SHC3: variants seen among roughly 807,000 people sequenced by gnomAD.
The protein encoded by SHC3 is SHC-transforming protein 3.
A neutral mutation model predicts 60.4 loss-of-function variants in SHC3; 15 were observed. The ratio of observed to expected loss-of-function variants is 0.25; its 90% CI spans 0.17 to 0.38. SHC3 has a LOEUF of 0.38. Ranked by LOEUF, SHC3 falls within the 10% of genes least tolerant of loss-of-function variation. The pLI is 1.00. For missense variants in SHC3, 677 were observed against 786.1 expected, an observed-to-expected ratio of 0.86 and a Z score of 1.66; for synonymous variants, 294 against 325.9, an observed-to-expected ratio of 0.90 and a Z score of 1.05.
At chr9:89,089,955 CACTAA>C (rs933505717) in intron 2 of SHC3, among the ~76,000 whole-genome samples, 3 of 152,226 alleles carry the variant, frequency 2.0e-5, no homozygotes, top group African/African-American at 7.2e-5. Flanking sequence ...AGAGGAAAAA[CACTAA>C]ACTAAACTTA....
chr9:89,025,725 T>C (rs958204143), intron 11 of SHC3, among the ~76,000 whole-genome samples: 5 of 152,226 alleles, frequency 3.3e-5, no homozygotes, highest in Admixed American at 2.6e-4. Context: ...AGCCTGACTC[T>C]AGCATAGCAT....
chr9:89,037,437 C>T (rs766632138), intron 11 of SHC3: 23 of 682,560 alleles, frequency 3.4e-5, no homozygotes, highest in Middle Eastern at 2.4e-4. Context: ...TCTTTCTTGA[C>T]GGGAAGATGA....
intron 1 of SHC3, among the ~76,000 whole-genome samples, chr9:89,163,696 T>G (rs1386490889): frequency 1.3e-5 from 2 of 151,422 alleles, no homozygotes; most frequent in South Asian, 2.1e-4. Flanking sequence ...TATACATATG[T>G]AACTAACCTG....
chr9:89,052,970 T>C (rs907435452), intron 6 of SHC3, among the ~76,000 whole-genome samples: 4 of 152,158 alleles, frequency 2.6e-5, no homozygotes, highest in Non-Finnish European at 4.4e-5. Context: ...GGATTATCTA[T>C]GTGAAACCTT....
intron 11 of SHC3, among the ~76,000 whole-genome samples, chr9:89,025,041 G>C (rs1394645393): frequency 1.3e-5 from 2 of 152,202 alleles, no homozygotes; most frequent in Non-Finnish European, 2.9e-5. Flanking sequence ...TGGGCAGTTA[G>C]AAATACTGGT....
intron 5 of SHC3, among the ~76,000 whole-genome samples, chr9:89,070,027 G>A (rs1360514887): frequency 6.6e-6 from 1 of 152,124 alleles, no homozygotes; most frequent in East Asian, 1.9e-4. Context: ...AAGAGATCTT[G>A]GACCAGTAAA....
chr9:89,173,629 C>G (rs1435327476), intron 1 of SHC3, among the ~76,000 whole-genome samples: 3 of 152,108 alleles, frequency 2.0e-5, no homozygotes, highest in African/African-American at 7.2e-5. Flanking sequence ...AAGTCATCTA[C>G]CTGTGGGCTG....
At chr9:89,076,079 T>C (rs1374713346) in intron 3 of SHC3, among the ~76,000 whole-genome samples, 1 of 151,278 alleles carries the variant, frequency 6.6e-6, no homozygotes, top group East Asian at 2.0e-4. Context: ...GCCCCACCCA[T>C]GAGATTCTGG....
At chr9:89,110,153 A>G (rs1825924697) in intron 2 of SHC3, 1 of 985,318 alleles carries the variant, frequency 1.0e-6, no homozygotes, top group African/African-American at 1.7e-5. Context: ...AGAAGATTTT[A>G]TACATATTCC....
chr9:89,065,899 C>A (rs949080154), intron 5 of SHC3, among the ~76,000 whole-genome samples: 2 of 152,192 alleles, frequency 1.3e-5, no homozygotes, highest in African/African-American at 2.4e-5. Context: ...AGTCCACTTA[C>A]ACTTTGAGCA....
chr9:89,143,302 G>A (rs961225067), intron 1 of SHC3, among the ~76,000 whole-genome samples: 16 of 152,114 alleles, frequency 1.1e-4, no homozygotes, highest in African/African-American at 3.1e-4. Flanking sequence ...CAGTGAGGAC[G>A]ACCAGCGGTC....
chr9:89,148,512 AT>A (rs571496229), intron 1 of SHC3, among the ~76,000 whole-genome samples: 26 of 152,230 alleles, frequency 1.7e-4, no homozygotes, highest in Non-Finnish European at 3.2e-4. Flanking sequence ...CTGGGTACCC[AT>A]TGTTTCCTGT....
rs780274354 is a variant in SHC3, at chr9:89,065,589, GA to G, written c.784-10del. The G allele has an allele frequency of 8.1e-6, 13 of 1,613,326 alleles. No individual in the cohort carries two copies. The highest frequency in any genetic ancestry group is 1.1e-5 in the Non-Finnish European group (13 of 1,179,818). ...ACATAGTCAGTTGTGTCCTGTTAAA[GA>G]AAAAAGAGATGTCTATGTCACTAAT... On this transcript the variant is annotated splice_polypyrimidine_tract_variant and intron_variant, in intron 5 of 11. Coordinates refer to ENST00000375835, the MANE Select transcript of SHC3 (RefSeq NM_016848.6).
intron 1 of SHC3, among the ~76,000 whole-genome samples, chr9:89,176,012 A>G (rs1826937538): frequency 6.6e-6 from 1 of 152,252 alleles, no homozygotes; most frequent in South Asian, 2.1e-4. Context: ...CCAGGACAGC[A>G]GAGGACAATG....
chr9:89,064,029 G>A (rs891962273), intron 6 of SHC3, among the ~76,000 whole-genome samples: 2 of 152,172 alleles, frequency 1.3e-5, no homozygotes, highest in South Asian at 2.1e-4. Context: ...GTTTGCAGAC[G>A]GCGCTTTCTT....
intron 1 of SHC3, among the ~76,000 whole-genome samples, chr9:89,129,552 A>T (rs549384932): frequency 0.013 from 2,028 of 152,300 alleles, 19 homozygotes; most frequent in South Asian, 0.033. Context: ...GACTAACAGC[A>T]GATCTCTCGG....
At chr9:89,026,864 G>A (rs562306023) in intron 11 of SHC3, among the ~76,000 whole-genome samples, 1 of 152,258 alleles carries the variant, frequency 6.6e-6, no homozygotes, top group East Asian at 1.9e-4. Context: ...TGGTTTTCTG[G>A]ACTAGCCTTG....
chr9:89,125,522 T>G (rs763467633), intron 1 of SHC3, among the ~76,000 whole-genome samples: 1 of 152,096 alleles, frequency 6.6e-6, no homozygotes, highest in Admixed American at 6.6e-5. Context: ...GAATAGGAGC[T>G]GGGTAAAATG....
intron 1 of SHC3, among the ~76,000 whole-genome samples, chr9:89,159,316 G>T (rs1826670919): frequency 6.6e-6 from 1 of 152,166 alleles, no homozygotes; most frequent in South Asian, 2.1e-4. Flanking sequence ...TATGAGCAGG[G>T]TGTCTTAAAT....
Sources: gnomAD v4.1 joint callset for allele counts (sites outside exome capture counted in the v4.1 genomes callset) on GRCh38, gnomAD v4.1.1 for gene constraint, MANE v1.5 for transcripts, NCBI Gene and HGNC (gene_info 2026-07-23, HGNC 2026-07-21) for gene names.